The following BANK1 variants were observed in gnomAD, a reference collection of about 807,000 sequenced individuals.
BANK1 encodes the protein B-cell scaffold protein with ankyrin repeats.
A neutral mutation model predicts 94.5 loss-of-function variants in BANK1; 95 were observed. That is an observed-to-expected ratio of 1.00 (90% CI 0.85 to 1.19). The LOEUF (loss-of-function observed/expected upper bound fraction) is 1.19. Among genes scored for constraint, BANK1 ranks in the 50% most tolerant of loss-of-function variants. The pLI is 0.00. For missense variants in BANK1, 987 were observed against 932.2 expected (o/e 1.06, Z -0.77); for synonymous variants, 334 against 308.4 (o/e 1.08, Z -0.87).
chr4:101,955,736 A>G (rs970826108), intron 7 of BANK1, among the ~76,000 whole-genome samples: 1 of 152,086 alleles, frequency 6.6e-6, no homozygotes, highest in African/African-American at 2.4e-5. Context: ...CCATGTAAAA[A>G]CCTATATTTA....
chr4:101,913,310 T>A (rs1236352584), intron 6 of BANK1, among the ~76,000 whole-genome samples: 1 of 152,216 alleles, frequency 6.6e-6, no homozygotes, highest in Non-Finnish European at 1.5e-5. Flanking sequence ...ACAGATTGGA[T>A]GGATTGGATA....
At chr4:101,900,423 T>A (rs970516540) in intron 6 of BANK1, among the ~76,000 whole-genome samples, 20 of 152,200 alleles carry the variant, frequency 1.3e-4, no homozygotes, top group African/African-American at 4.8e-4. Context: ...AATATTACTC[T>A]TGCTGTTACG....
In BANK1 at chr4:102,026,742, AG is replaced by A. The variant is rs200473961; in HGVS notation, c.1594+1234del. Among the ~76,000 whole-genome samples, 1,193 of 149,590 alleles carry A rather than the reference AG, an allele frequency of 8.0e-3. 18 individuals carry two copies. The highest frequency in any genetic ancestry group is 0.028 in the African/African-American group (1,119 of 40,516). On this transcript the variant is annotated intron_variant, in intron 9 of 16. Coordinates refer to ENST00000322953, the MANE Select transcript of BANK1 (RefSeq NM_017935.5). ...GAGGCTGAGGCAGGAGAATCGCTTG[AG>A]CCCGGGAGGCGGAGGTTGCAGTGAG...
intron 7 of BANK1, among the ~76,000 whole-genome samples, chr4:101,998,067 C>T (rs764570140): frequency 6.6e-6 from 1 of 152,078 alleles, no homozygotes. Flanking sequence ...GCTAAAAATT[C>T]CCCTGTAAAC....
At chr4:102,006,088 TC>T (rs1181964316) in intron 7 of BANK1, among the ~76,000 whole-genome samples, 1 of 152,024 alleles carries the variant, frequency 6.6e-6, no homozygotes, top group Non-Finnish European at 1.5e-5. Flanking sequence ...AAATGGCTTT[TC>T]CCCCATTGTA....
rs143370021 is a variant in BANK1, at chr4:101,858,070, C to T, written c.624+2881C>T. On this transcript the variant is annotated intron_variant, in intron 3 of 16. Coordinates refer to ENST00000322953, the MANE Select transcript of BANK1 (RefSeq NM_017935.5). ...AAAAATCCAACTGTGAGGTACTCTC[C>T]CGTTGGAATTACAACAAAACCAGAA... Among the ~76,000 whole-genome samples, 13 of 152,248 alleles carry T rather than the reference C, an allele frequency of 8.5e-5. No individual in the cohort carries two copies. In the East Asian group the frequency reaches 2.5e-3, roughly 29 times the overall value.
rs1724089545 is a variant in BANK1 at position 101,950,060 on chromosome 4, T to TCAC, written c.1206+31871_1206+31872insCAC. ...GTGTGTGTGTGTGTGTGTGTGTGTGTGCGCGTGCGCGCGCATGTGCCTACA... is the reference window on the plus strand; with the variant it reads ...GTGTGTGTGTGTGTGTGTGTGTGTGTCACGCGCGTGCGCGCGCATGTGCCTACA... On this transcript the variant is annotated intron_variant, in intron 7 of 16. Transcript: ENST00000322953. 5.0e-5 allele frequency among the ~76,000 whole-genome samples: 7 copies of TCAC among 139,492 alleles called. No homozygotes were observed. The South Asian group carries it at 6.4e-4, about 13-fold the overall frequency. 91.5% of individuals were successfully genotyped at this position (139,492 alleles called of 152,430 possible).
intron 4 of BANK1, among the ~76,000 whole-genome samples, chr4:101,869,483 A>T (rs541571968): frequency 1.3e-5 from 2 of 152,008 alleles, no homozygotes; most frequent in South Asian, 4.1e-4. Context: ...TCTACTCAAG[A>T]AATATGAGGA....
intron 5 of BANK1, among the ~76,000 whole-genome samples, chr4:101,872,136 C>G (rs1211536437): frequency 1.3e-5 from 2 of 152,028 alleles, no homozygotes; most frequent in Admixed American, 6.6e-5. Context: ...TGGGCAGGCA[C>G]AGGATGATTC....
In BANK1 at chr4:101,940,371, A is replaced by G. The variant is rs146914909; in HGVS notation, c.1206+22182A>G. Among the ~76,000 whole-genome samples the G allele has an allele frequency of 6.0e-3, 909 of 151,862 alleles. 14 individuals carry two copies. Among genetic ancestry groups the G allele is most frequent in the African/African-American group, 0.021 (857 of 41,516 alleles). Reference sequence around the variant, plus strand: ...CAGAGTTTCCATATACTCCCCAAGTATGTTTTTTCTGTTGTTAACATCTTA... The same window carrying G: ...CAGAGTTTCCATATACTCCCCAAGTGTGTTTTTTCTGTTGTTAACATCTTA... On this transcript the variant is annotated intron_variant, in intron 7 of 16. Coordinates refer to ENST00000322953, the MANE Select transcript of BANK1 (RefSeq NM_017935.5).
intron 10 of BANK1, among the ~76,000 whole-genome samples, chr4:102,030,770 C>T (rs1364876807): frequency 6.6e-6 from 1 of 152,114 alleles, no homozygotes; most frequent in East Asian, 1.9e-4. Flanking sequence ...GACATGAACT[C>T]ATCCTTTTTT....
At chr4:101,878,718 T>C (rs976270105) in intron 5 of BANK1, among the ~76,000 whole-genome samples, 1 of 152,122 alleles carries the variant, frequency 6.6e-6, no homozygotes, top group African/African-American at 2.4e-5. Flanking sequence ...AAACAAGTTT[T>C]AGAGCAGTCA....
intron 2 of BANK1, among the ~76,000 whole-genome samples, chr4:101,833,525 C>T (rs1344707208): frequency 4.6e-5 from 7 of 152,118 alleles, no homozygotes; most frequent in African/African-American, 1.7e-4. Context: ...GATGCTTCTC[C>T]CTCAAATTGT....
intron 7 of BANK1, among the ~76,000 whole-genome samples, chr4:101,935,234 C>T (rs527865976): frequency 1.3e-5 from 2 of 151,570 alleles, no homozygotes; most frequent in East Asian, 2.0e-4. Flanking sequence ...ACTGAACACT[C>T]ACACTGCAAT....
At chr4:101,995,535 TG>T (rs200032732) in intron 7 of BANK1, among the ~76,000 whole-genome samples, 11,294 of 152,162 alleles carry the variant, frequency 0.074, 612 homozygotes, top group East Asian at 0.19. Context: ...ACTTCCACAA[TG>T]GTTGAACTAG....
intron 7 of BANK1, among the ~76,000 whole-genome samples, chr4:101,926,893 T>G (rs989433255): frequency 6.6e-6 from 1 of 151,814 alleles, no homozygotes; most frequent in African/African-American, 2.4e-5. Context: ...AAAGAGCCAG[T>G]TGGTCAATGT....
At chr4:102,057,839 G>A (rs548532124) in intron 11 of BANK1, among the ~76,000 whole-genome samples, 2 of 152,204 alleles carry the variant, frequency 1.3e-5, no homozygotes, top group East Asian at 3.9e-4. Context: ...TATTGTAAAA[G>A]CAATATAGTA....
intron 7 of BANK1, among the ~76,000 whole-genome samples, chr4:101,978,738 T>G (rs972806901): frequency 6.6e-6 from 1 of 152,088 alleles, no homozygotes; most frequent in Non-Finnish European, 1.5e-5. Flanking sequence ...TTTGATTGAT[T>G]TTCTTATTTA....
intron 10 of BANK1, among the ~76,000 whole-genome samples, chr4:102,036,106 C>T (rs779264839): frequency 2.8e-4 from 43 of 152,220 alleles, no homozygotes; most frequent in Non-Finnish European, 5.9e-4. Context: ...AAAGATCTTT[C>T]TTCAGAATCC....
Sources: gnomAD v4.1 joint callset for allele counts (sites outside exome capture counted in the v4.1 genomes callset) on GRCh38, gnomAD v4.1.1 for gene constraint, MANE v1.5 for transcripts, NCBI Gene and HGNC (gene_info 2026-07-23, HGNC 2026-07-21) for gene names.